The following IGSF10 variants were observed in gnomAD, a reference collection of about 807,000 sequenced individuals.
The protein encoded by IGSF10 is immunoglobulin superfamily member 10.
IGSF10 carries 126 observed loss-of-function variants against 128.2 expected under a neutral mutation model. The observed-to-expected ratio is 0.98, with a 90% CI of 0.85 to 1.14. The LOEUF is 1.14. Ranked by LOEUF, IGSF10 falls within the 50% of genes most tolerant of loss-of-function variation. IGSF10 has a pLI of 0.00. For synonymous variants in IGSF10, 1,185 were observed against 1,146.2 expected (o/e 1.03, Z -0.68); for missense variants, 3,295 against 3,149.8 (o/e 1.05, Z -1.10).
the IGSF10 span, among the ~76,000 whole-genome samples, chr3:151,517,657 C>G: frequency 6.6e-6 from 1 of 151,846 alleles, no homozygotes; most frequent in African/African-American, 2.4e-5. Context: ...ACACTCTCAC[C>G]TAAGTAAGAA....
At chr3:151,612,768 G>C in the IGSF10 span, among the ~76,000 whole-genome samples, 1 of 152,088 alleles carries the variant, frequency 6.6e-6, no homozygotes, top group African/African-American at 2.4e-5. Context: ...TGAAGACCTG[G>C]CATCAAGACA....
At chr3:151,611,898 G>A in the IGSF10 span, among the ~76,000 whole-genome samples, 2 of 152,162 alleles carry the variant, frequency 1.3e-5, no homozygotes, top group East Asian at 3.9e-4. Flanking sequence ...CAAGAACTAT[G>A]TACGAATTTC....
Position 151,446,457 on chromosome 3 carries a change from G to C in IGSF10, c.3524C>G (p.Ser1175Ter). The change falls in exon 6 of 8, where the codon TCA becomes TGA. Residue 1175 changes from serine (S) to a stop codon, truncating the protein, a stop_gained. Coordinates refer to ENST00000282466, the MANE Select transcript of IGSF10 (RefSeq NM_178822.5). LOFTEE classifies it high-confidence loss of function. ...ACCTGAAAGTGACGATGTAATCACTGAATCTCTTTTAGCTTCATTGGTGCT... is the reference window on the plus strand; with the variant it reads ...ACCTGAAAGTGACGATGTAATCACTCAATCTCTTTTAGCTTCATTGGTGCT... ...VSSTNEAKRD[S>*]VITSSLSGAI... The C allele has an allele frequency of 6.2e-7, 1 of 1,614,124 alleles. No homozygotes were observed. Among genetic ancestry groups the C allele is most frequent in the Non-Finnish European group, 8.5e-7 (1 of 1,179,954 alleles).
chr3:151,534,665 G>A, the IGSF10 span, among the ~76,000 whole-genome samples: 67 of 150,090 alleles, frequency 4.5e-4, no homozygotes, highest in African/African-American at 1.5e-3. Flanking sequence ...GGGGTGGGGA[G>A]CTGGGGGAGG....
the IGSF10 span, among the ~76,000 whole-genome samples, chr3:151,479,038 C>T: frequency 1.3e-5 from 2 of 152,260 alleles, no homozygotes; most frequent in South Asian, 4.1e-4. Context: ...CCTTATTTTT[C>T]TGCTAAGCTT....
chr3:151,599,476 A>G, the IGSF10 span, among the ~76,000 whole-genome samples: 1 of 152,180 alleles, frequency 6.6e-6, no homozygotes, highest in Non-Finnish European at 1.5e-5. Context: ...TCAAGATAAC[A>G]GAGGCAAGAA....
rs370097307 is a variant in IGSF10 at position 151,443,168 on chromosome 3, G to A, written c.5779C>T (p.Arg1927Ter). The change falls in exon 7 of 8, where the codon CGA (arginine) becomes TGA (stop). Residue 1927 changes from arginine (R) to a stop codon, truncating the protein, a stop_gained. Transcript: ENST00000282466. LOFTEE classifies it high-confidence loss of function. ...TCCATTGTAAGCATTACTACTCTTCGCTCCGAACCAGTGGAACTGGTAGCA... is the reference window on the plus strand; with the variant it reads ...TCCATTGTAAGCATTACTACTCTTCACTCCGAACCAGTGGAACTGGTAGCA... ...CIATSSTGSE[R>*]RVVMLTMEER... is the part of the protein sequence containing the mutation. 44 of 1,614,070 alleles carry A rather than the reference G, an allele frequency of 2.7e-5. No individual in the cohort carries two copies. The East Asian group carries it at 3.3e-4, about 12-fold the overall frequency.
chr3:151,514,782 A>C, the IGSF10 span, among the ~76,000 whole-genome samples: 2 of 152,160 alleles, frequency 1.3e-5, no homozygotes, highest in African/African-American at 4.8e-5. Flanking sequence ...AAAAAAACAA[A>C]CAACCCCATC....
At chr3:151,504,504 G>A in the IGSF10 span, among the ~76,000 whole-genome samples, 1 of 152,120 alleles carries the variant, frequency 6.6e-6, no homozygotes, top group Admixed American at 6.5e-5. Context: ...AAAATCAATT[G>A]TTCTCTTAAA....
At chr3:151,616,154 G>A in the IGSF10 span, among the ~76,000 whole-genome samples, 6 of 151,876 alleles carry the variant, frequency 4.0e-5, no homozygotes, top group African/African-American at 1.5e-4. Flanking sequence ...AGTAGAGACA[G>A]GGTTTCTCCA....
chr3:151,565,706 T>G, the IGSF10 span, among the ~76,000 whole-genome samples: 1 of 152,110 alleles, frequency 6.6e-6, no homozygotes, highest in Admixed American at 6.6e-5. Flanking sequence ...GGAGTTCTAG[T>G]GAGTTACTGA....
At chr3:151,468,258 AG>A in the IGSF10 span, among the ~76,000 whole-genome samples, 1 of 152,210 alleles carries the variant, frequency 6.6e-6, no homozygotes, top group Non-Finnish European at 1.5e-5. Flanking sequence ...AGCAAGAAAA[AG>A]CTCAAAAAGC....
the IGSF10 span, among the ~76,000 whole-genome samples, chr3:151,522,915 A>T: frequency 6.6e-5 from 10 of 152,278 alleles, no homozygotes; most frequent in Non-Finnish European, 8.8e-5. Context: ...AGATGACATG[A>T]TTCTTTATCT....
rs1721135425 is a variant in IGSF10 at position 151,445,536 on chromosome 3, G to A, written c.4445C>T (p.Thr1482Ile). 1 of 1,614,090 alleles carries A rather than the reference G, an allele frequency of 6.2e-7. No homozygotes were observed. Among genetic ancestry groups the A allele is most frequent in the Admixed American group, 1.7e-5 (1 of 60,006 alleles). The change falls in exon 6 of 8, where the codon ACT becomes ATT. Residue 1482 changes from threonine to isoleucine, a missense_variant. Physicochemically the swap from Thr to Ile is moderately conservative, Grantham distance 89. Transcript: ENST00000282466. Reference protein sequence around the residue: ...LMPVPISPPFTQRAVTDNVAT... With the variant: ...LMPVPISPPFIQRAVTDNVAT... ...CACGTTGTCAGTAACTGCTCTCTGA[G>A]TAAAGGGAGGGGAGATGGGAACTGG...
At chr3:151,435,321 T>TAATA (rs1401893063), downstream of IGSF10, 4 of 150,004 alleles carry the variant, frequency 2.7e-5, no homozygotes, top group East Asian at 2.1e-4. Flanking sequence ...GGCTTTTTCT[T>TAATA]AATAGGGTTG....
the IGSF10 span, among the ~76,000 whole-genome samples, chr3:151,605,412 G>C: frequency 2.6e-5 from 4 of 152,144 alleles, no homozygotes; most frequent in Non-Finnish European, 5.9e-5. Flanking sequence ...ACAGCAAATA[G>C]TTTCCACACA....
the IGSF10 span, among the ~76,000 whole-genome samples, chr3:151,496,437 C>T: frequency 6.9e-6 from 1 of 145,740 alleles, no homozygotes. Flanking sequence ...TGAGTGAGAA[C>T]ATGCGGTGTT....
chr3:151,573,736 T>C, the IGSF10 span, among the ~76,000 whole-genome samples: 272 of 152,332 alleles, frequency 1.8e-3, 3 homozygotes, highest in Admixed American at 0.013. Flanking sequence ...ACATTTAAGG[T>C]TAATGTTGTT....
At chr3:151,546,176 C>T in the IGSF10 span, among the ~76,000 whole-genome samples, 1 of 151,910 alleles carries the variant, frequency 6.6e-6, no homozygotes, top group South Asian at 2.1e-4. Flanking sequence ...CACTCTGGAC[C>T]ATTAAGCAAA....
Sources: allele counts gnomAD v4.1 joint callset (sites outside exome capture counted in the v4.1 genomes callset), GRCh38; gene constraint gnomAD v4.1.1; transcripts MANE v1.5; gene names NCBI Gene and HGNC (gene_info 2026-07-23, HGNC 2026-07-21).